The following CLASP2 variants were observed in gnomAD, a reference collection of about 807,000 sequenced individuals.
The protein encoded by CLASP2 is CLIP-associating protein 2.
In CLASP2, 47 loss-of-function variants were observed where a neutral mutation model predicts 194.4. The ratio of observed to expected loss-of-function variants is 0.24; its 90% CI spans 0.19 to 0.31. The LOEUF (loss-of-function observed/expected upper bound fraction) is 0.31. Among genes scored for constraint, CLASP2 ranks in the 10% least tolerant of loss-of-function variants. The probability of loss-of-function intolerance (pLI) is 1.00; values close to 1 mark genes in which losing one functional copy is unlikely to be tolerated. For missense variants in CLASP2, 1,445 were observed against 1,823.6 expected (o/e 0.79, Z 3.78); for synonymous variants, 619 against 633.5 (o/e 0.98, Z 0.34).
In CLASP2 at chr3:33,622,179, C is replaced by G; in HGVS notation, c.1137G>C (p.Lys379Asn). 2 of 1,603,976 alleles carry G rather than the reference C, an allele frequency of 1.2e-6. No homozygotes were observed. The highest frequency in any genetic ancestry group is 1.7e-6 in the Non-Finnish European group (2 of 1,175,184). The change falls in exon 11 of 39, where the codon AAG (lysine) becomes AAC (asparagine). Residue 379 changes from lysine to asparagine, a missense_variant. Lys to Asn is a moderately conservative substitution (Grantham distance 94). Coordinates refer to ENST00000682230, the MANE Select transcript of CLASP2 (RefSeq NM_001365631.1). ...CTCTAACCACCTGGGATCTAAGATC[C>G]TTAGCTGAAAGTTTAAGTGCTCCAT... is the stretch of plus-strand genomic sequence containing the variant. Reference protein sequence around the residue: ...LLDGALKLSAKDLRSQVVREA... With the variant: ...LLDGALKLSANDLRSQVVREA...
rs765987448 is a variant in CLASP2, at chr3:33,644,916, T to A, written c.716-13A>T. 2 of 1,578,810 alleles carry A rather than the reference T, an allele frequency of 1.3e-6. No individual in the cohort carries two copies. Among genetic ancestry groups the A allele is most frequent in the South Asian group, 1.2e-5 (1 of 86,560 alleles). ...TCGAAGCTTTTATCTGCACAAAGCA[T>A]CAGAAAAATGTATTTAAGAGAACTA... On this transcript the variant is annotated splice_polypyrimidine_tract_variant and intron_variant, in intron 7 of 38. Coordinates refer to ENST00000682230, the MANE Select transcript of CLASP2 (RefSeq NM_001365631.1).
chr3:33,613,410 G>A (rs1434760953), intron 12 of CLASP2, among the ~76,000 whole-genome samples: 1 of 152,162 alleles, frequency 6.6e-6, no homozygotes, highest in Non-Finnish European at 1.5e-5. Flanking sequence ...AACACCTTGG[G>A]AAAGGCAGCT....
chr3:33,715,547 G>A (rs556697621), intron 1 of CLASP2, among the ~76,000 whole-genome samples: 38 of 152,192 alleles, frequency 2.5e-4, no homozygotes, highest in Admixed American at 2.2e-3. Flanking sequence ...GCCTAGAAGA[G>A]TAAGTTCCTG....
At chr3:33,564,016 A>G (rs2154182692) in intron 27 of CLASP2, 1 of 431,876 alleles carries the variant, frequency 2.3e-6, no homozygotes, top group South Asian at 1.7e-5. Context: ...TTGGATTGCA[A>G]GTCAGGGCCA....
At position 33,538,794 on chromosome 3, in the gene CLASP2, C is replaced by T. The variant is rs201682138; in HGVS notation, c.3553G>A (p.Asp1185Asn). Reference sequence around the variant, plus strand: ...AAGGATATTAAAATACTTACTGAATCGCCATCATCTTTTTTAGAATCCCTT... The same window carrying T: ...AAGGATATTAAAATACTTACTGAATTGCCATCATCTTTTTTAGAATCCCTT... ...LKRDSKKDDG[D>N]SMCGGPGMSD... The change falls in exon 33 of 39, where the codon GAT becomes AAT. Residue 1185 changes from aspartate to asparagine, a missense_variant. Around this residue, in one of 4 missense-constraint regions of CLASP2, gnomAD observed 732 missense variants for 987.9 expected, o/e 0.74. Coordinates refer to ENST00000682230, the MANE Select transcript of CLASP2 (RefSeq NM_001365631.1). 4.7e-5 allele frequency: 74 copies of T among 1,573,746 alleles called. No individual in the cohort carries two copies. In the African/African-American group the frequency reaches 8.9e-4, roughly 19 times the overall value.
chr3:33,681,445 G>GC (rs1435912182), intron 6 of CLASP2, among the ~76,000 whole-genome samples: 1 of 136,012 alleles, frequency 7.4e-6, no homozygotes, highest in Non-Finnish European at 1.6e-5. Context: ...CCGTAAAGTC[G>GC]CCTTGCTCTT....
In CLASP2 at chr3:33,597,756, C is replaced by CTT. The variant is rs558732745; in HGVS notation, c.1925-1024_1925-1023dup. Among the ~76,000 whole-genome samples the CTT allele has an allele frequency of 4.7e-3, 644 of 137,766 alleles. 3 individuals carry two copies. The highest frequency in any genetic ancestry group is 0.025 in the South Asian group (109 of 4,300). 90.4% of individuals were successfully genotyped at this position (137,766 alleles called of 152,430 possible). A position where few individuals can be genotyped will look rare whatever the true frequency, so the allele number is the denominator to read the frequency against. On this transcript the variant is annotated intron_variant, in intron 18 of 38. Transcript: ENST00000682230. ...TTGCTGTATTTCTTTTCTTTTCTTTCTTTTTTTTTTTTTTTTAACAGAGTC... is the reference window on the plus strand; with the variant it reads ...TTGCTGTATTTCTTTTCTTTTCTTTCTTTTTTTTTTTTTTTTTTAACAGAGTC...
chr3:33,650,909 A>G (rs894262616), intron 7 of CLASP2, among the ~76,000 whole-genome samples: 7 of 152,262 alleles, frequency 4.6e-5, no homozygotes, highest in African/African-American at 1.7e-4. Context: ...CTATAGGCCC[A>G]CAATGACTTA....
intron 37 of CLASP2, chr3:33,504,545 C>G (rs2047623068): frequency 1.3e-5 from 2 of 152,174 alleles, no homozygotes; most frequent in Admixed American, 6.5e-5. Context: ...TGTCTTAGCC[C>G]AACTCCTACT....
At chr3:33,707,100 G>GA (rs1404277328) in intron 1 of CLASP2, among the ~76,000 whole-genome samples, 2 of 152,058 alleles carry the variant, frequency 1.3e-5, no homozygotes, top group Non-Finnish European at 2.9e-5. Context: ...CTCTTCCCAT[G>GA]AAAAAAAGAT....
At chr3:33,576,446 G>A (rs890222827) in intron 23 of CLASP2, 171 bp from the exon 24 acceptor site, 17 of 545,702 alleles carry the variant, frequency 3.1e-5, no homozygotes, top group Middle Eastern at 5.0e-4. Flanking sequence ...AAAATAAAAG[G>A]GTAAAGACAA....
chr3:33,594,604 TAAA>T (rs939127180), intron 20 of CLASP2, among the ~76,000 whole-genome samples: 1 of 151,326 alleles, frequency 6.6e-6, no homozygotes, highest in African/African-American at 2.4e-5. Context: ...TTGGCATAAA[TAAA>T]AAAACAAAAA....
intron 30 of CLASP2, among the ~76,000 whole-genome samples, chr3:33,548,451 C>T (rs970778579): frequency 6.6e-6 from 1 of 152,186 alleles, no homozygotes; most frequent in Non-Finnish European, 1.5e-5. Context: ...GTGCGTGCCA[C>T]CACACTCAGC....
chr3:33,688,373 T>G lies in CLASP2; in HGVS notation c.379-5A>C. The G allele has an allele frequency of 6.4e-7, 1 of 1,561,424 alleles. No homozygotes were observed. The highest frequency in any genetic ancestry group is 8.7e-7 in the Non-Finnish European group (1 of 1,154,960). ...AGCCAACTGCTCCCAAATGTACTAT[T>G]TGAAAGAAAAGTAAAAACGTATAAC... On this transcript the variant is annotated splice_region_variant and splice_polypyrimidine_tract_variant and intron_variant, in intron 3 of 38. Coordinates refer to ENST00000682230, the MANE Select transcript of CLASP2 (RefSeq NM_001365631.1).
At chr3:33,668,270 A>G (rs1037665786) in intron 6 of CLASP2, among the ~76,000 whole-genome samples, 5 of 152,210 alleles carry the variant, frequency 3.3e-5, no homozygotes, top group Non-Finnish European at 7.3e-5. Context: ...TTTATGAACC[A>G]TACTTAAGTT....
Position 33,619,613 on chromosome 3 carries a change from A to T in CLASP2, c.1307T>A (p.Phe436Tyr), listed in dbSNP as rs2076797657. ...AGAGAGCAAACCTACCCGAATGATA[A>T]ATCTGATTGCTGCACATCCAGAAGT... ...MATSGCAAIR[F>Y]IIRHTHVPRL... Residue 436 changes from phenylalanine (F) to tyrosine (Y), a missense_variant, in exon 12 of 39, where the codon TTT becomes TAT. Physicochemically the swap from Phe to Tyr is conservative, Grantham distance 22. This residue lies in a region of CLASP2 where 207 missense variants were observed against 331.4 expected (regional missense o/e 0.62). Coordinates refer to ENST00000682230, the MANE Select transcript of CLASP2 (RefSeq NM_001365631.1). The T allele has an allele frequency of 6.5e-7, 1 of 1,549,224 alleles. No homozygotes were observed.
At chr3:33,526,754 A>G (rs560722749) in intron 34 of CLASP2, among the ~76,000 whole-genome samples, 152 of 152,346 alleles carry the variant, frequency 1.0e-3, no homozygotes, top group African/African-American at 3.6e-3. Flanking sequence ...AAGAAAAGTA[A>G]AAGAACCAAA....
intron 7 of CLASP2, among the ~76,000 whole-genome samples, chr3:33,654,161 G>A (rs911530138): frequency 1.5e-4 from 23 of 152,128 alleles, no homozygotes; most frequent in African/African-American, 5.6e-4. Context: ...TAACAGAGAA[G>A]TGACTATTTC....
intron 1 of CLASP2, among the ~76,000 whole-genome samples, chr3:33,710,427 T>C (rs750528752): frequency 6.6e-6 from 1 of 152,134 alleles, no homozygotes; most frequent in Non-Finnish European, 1.5e-5. Context: ...ACATAATTTT[T>C]AAAGGCATAG....
Sources: gnomAD v4.1 joint callset for allele counts (sites outside exome capture counted in the v4.1 genomes callset) on GRCh38, gnomAD v4.1.1 for gene constraint, gnomAD v4.1.1 regional missense constraint, MANE v1.5 for transcripts, NCBI Gene and HGNC (gene_info 2026-07-23, HGNC 2026-07-21) for gene names.